BCAS4: variants seen among roughly 807,000 people sequenced by gnomAD.
The protein encoded by BCAS4 is breast carcinoma-amplified sequence 4.
A neutral mutation model predicts 15.7 loss-of-function variants in BCAS4; 9 were observed. That is an observed-to-expected ratio of 0.57 (90% CI 0.34 to 1.00). BCAS4 has a LOEUF of 1.00. Among genes scored for constraint, BCAS4 ranks in the 50% least tolerant of loss-of-function variants. The pLI is 0.02. For synonymous variants in BCAS4, 101 were observed against 99.5 expected (o/e 1.02, Z -0.09); for missense variants, 225 against 239.1 (o/e 0.94, Z 0.39).
intron 2 of BCAS4, among the ~76,000 whole-genome samples, chr20:50,821,388 G>A (rs1470295753): frequency 4.6e-5 from 7 of 152,226 alleles, no homozygotes; most frequent in African/African-American, 1.2e-4. Flanking sequence ...GCATGGGCAC[G>A]CTGTGCCAAT....
chr20:50,846,308 T>C (rs2088542879), intron 4 of BCAS4, among the ~76,000 whole-genome samples: 1 of 152,188 alleles, frequency 6.6e-6, no homozygotes, highest in South Asian at 2.1e-4. Flanking sequence ...GTCTTAGCTG[T>C]GTGACCATGG....
intron 4 of BCAS4, among the ~76,000 whole-genome samples, chr20:50,864,990 G>A (rs1979284420): frequency 6.6e-6 from 1 of 152,112 alleles, no homozygotes; most frequent in Non-Finnish European, 1.5e-5. Flanking sequence ...CTACTCTGGA[G>A]GCTGAGGCAG....
intron 4 of BCAS4, among the ~76,000 whole-genome samples, chr20:50,863,675 A>G (rs938573801): frequency 6.6e-6 from 1 of 152,192 alleles, no homozygotes; most frequent in Non-Finnish European, 1.5e-5. Flanking sequence ...TATGACTCTG[A>G]TGTGACAGCA....
intron 4 of BCAS4, among the ~76,000 whole-genome samples, chr20:50,867,784 C>T (rs1045976639): frequency 6.6e-6 from 1 of 152,172 alleles, no homozygotes; most frequent in South Asian, 2.1e-4. Flanking sequence ...TGTGGTGGCG[C>T]ACGCGTGTAA....
intron 4 of BCAS4, among the ~76,000 whole-genome samples, chr20:50,846,977 G>A (rs2088553815): frequency 1.3e-5 from 2 of 152,128 alleles, no homozygotes; most frequent in African/African-American, 4.8e-5. Flanking sequence ...GAGTCAGTGA[G>A]CCGGCACGGG....
At chr20:50,822,660 C>G (rs1349030498) in intron 2 of BCAS4, among the ~76,000 whole-genome samples, 1 of 148,878 alleles carries the variant, frequency 6.7e-6, no homozygotes, top group African/African-American at 2.5e-5. Context: ...TTTGGAGACA[C>G]AGTCTCACTC....
intron 1 of BCAS4, among the ~76,000 whole-genome samples, chr20:50,803,384 A>C (rs1327836410): frequency 6.6e-6 from 1 of 152,244 alleles, no homozygotes; most frequent in Admixed American, 6.5e-5. Context: ...TTTTCTGTAA[A>C]TAAAAACAGA....
intron 2 of BCAS4, among the ~76,000 whole-genome samples, chr20:50,824,217 G>C (rs1243118107): frequency 6.6e-6 from 1 of 152,240 alleles, no homozygotes; most frequent in East Asian, 1.9e-4. Context: ...CCCACCTTCT[G>C]CCAAGGAGCA....
At chr20:50,854,790 T>G (rs1001367941) in intron 4 of BCAS4, among the ~76,000 whole-genome samples, 2 of 152,178 alleles carry the variant, frequency 1.3e-5, no homozygotes, top group Non-Finnish European at 2.9e-5. Context: ...CGTAGGTGTG[T>G]CTCTGACGTC....
chr20:50,818,148 A>T (rs62202844), intron 1 of BCAS4, 63 bp from the exon 2 acceptor site: 1 of 1,443,918 alleles, frequency 6.9e-7, no homozygotes, highest in Non-Finnish European at 9.5e-7. Context: ...AAAAAAAAAA[A>T]TGAAGGGTGT....
chr20:50,821,534 T>C (rs2088216912), intron 2 of BCAS4, among the ~76,000 whole-genome samples: 1 of 152,206 alleles, frequency 6.6e-6, no homozygotes, highest in South Asian at 2.1e-4. Flanking sequence ...GGGGCCTCTT[T>C]TTTCTCTTTA....
chr20:50,805,194 T>C (rs1433304062), intron 1 of BCAS4, among the ~76,000 whole-genome samples: 7 of 152,102 alleles, frequency 4.6e-5, no homozygotes, highest in African/African-American at 1.2e-4. Flanking sequence ...CCACAACCAA[T>C]TTTAGAACAT....
intron 4 of BCAS4, among the ~76,000 whole-genome samples, chr20:50,850,065 C>T (rs2123819206): frequency 6.6e-6 from 1 of 152,332 alleles, no homozygotes; most frequent in Middle Eastern, 3.4e-3. Context: ...TCTTCGTCCC[C>T]TCCACTGTGG....
In BCAS4 at chr20:50,845,509, C is replaced by T. The variant is rs182472360; in HGVS notation, c.399+3609C>T. ...TTGGATCTCCACCAAGCCCTTCTCC[C>T]GGGGCCTGTTCCAATGCCCGGCATA... On this transcript the variant is annotated intron_variant, in intron 4 of 4. Coordinates refer to ENST00000371608, the MANE Select transcript of BCAS4 (RefSeq NM_198799.4). Among the ~76,000 whole-genome samples, 554 of 152,298 alleles carry T rather than the reference C, an allele frequency of 3.6e-3. 3 individuals carry two copies. Among genetic ancestry groups the T allele is most frequent in the African/African-American group, 0.013 (533 of 41,562 alleles).
intron 4 of BCAS4, among the ~76,000 whole-genome samples, chr20:50,858,925 C>CTATTAT (rs56152037): frequency 0.083 from 12,051 of 144,484 alleles, 901 homozygotes; most frequent in East Asian, 0.21. Context: ...CAGGCTCTTG[C>CTATTAT]TATTATTATT....
At chr20:50,852,615 C>T (rs1345685778) in intron 4 of BCAS4, among the ~76,000 whole-genome samples, 1 of 151,880 alleles carries the variant, frequency 6.6e-6, no homozygotes, top group African/African-American at 2.4e-5. Flanking sequence ...CTCCTGACCC[C>T]AAGTGATCCG....
intron 2 of BCAS4, among the ~76,000 whole-genome samples, chr20:50,822,684 G>A (rs1400809346): frequency 2.0e-5 from 3 of 149,274 alleles, no homozygotes; most frequent in South Asian, 4.2e-4. Context: ...TGCCCAGGCT[G>A]TAGTGCAGTG....
chr20:50,854,710 G>A (rs1403277868), intron 4 of BCAS4, among the ~76,000 whole-genome samples: 2 of 152,140 alleles, frequency 1.3e-5, no homozygotes, highest in Admixed American at 1.3e-4. Context: ...GGTGGGCTGC[G>A]AGGATTGCTT....
intron 4 of BCAS4, among the ~76,000 whole-genome samples, chr20:50,865,973 C>T (rs1979335352): frequency 6.6e-6 from 1 of 152,164 alleles, no homozygotes; most frequent in South Asian, 2.1e-4. Context: ...GGAGCCAGGA[C>T]ATAGCAGGGC....
Sources: gnomAD v4.1 joint callset for allele counts (sites outside exome capture counted in the v4.1 genomes callset) on GRCh38, gnomAD v4.1.1 for gene constraint, MANE v1.5 for transcripts, NCBI Gene and HGNC (gene_info 2026-07-23, HGNC 2026-07-21) for gene names.